WNK3: variants seen among roughly 807,000 people sequenced by gnomAD.
The protein encoded by WNK3 is serine/threonine-protein kinase WNK3.
In WNK3, 18 loss-of-function variants were observed where a neutral mutation model predicts 116.7. The ratio of observed to expected loss-of-function variants is 0.15; its 90% CI spans 0.11 to 0.23. The LOEUF is 0.23. Ranked by LOEUF, WNK3 falls within the 10% of genes least tolerant of loss-of-function variation. The pLI is 1.00. For missense variants in WNK3, 993 were observed against 1,323.8 expected, an observed-to-expected ratio of 0.75 and a Z score of 3.88; for synonymous variants, 404 against 469.4, an observed-to-expected ratio of 0.86 and a Z score of 1.80.
intron 22 of WNK3, among the ~76,000 whole-genome samples, chrX:54,227,042 A>C (rs2067852069): frequency 8.9e-6 from 1 of 111,792 alleles, no homozygotes; most frequent in Non-Finnish European, 1.9e-5. Flanking sequence ...TAAAACCATT[A>C]AAAACTTTTT....
At chrX:54,342,559 C>G (rs1212035702) in intron 1 of WNK3, among the ~76,000 whole-genome samples, 1 of 108,486 alleles carries the variant, frequency 9.2e-6, no homozygotes, top group Non-Finnish European at 1.9e-5. Flanking sequence ...AGAGTGAAAT[C>G]TGTCTCAAAA....
At position 54,301,864 on chromosome X, in the gene WNK3, G is replaced by A; in HGVS notation, c.1090-5C>T. On this transcript the variant is annotated splice_polypyrimidine_tract_variant and splice_region_variant and intron_variant, in intron 5 of 23. Transcript: ENST00000354646. The stretch of plus-strand genomic sequence containing the variant: ...GAAGCTGGCTGGTTTTATGCCCTAG[G>A]AGAAAAAAATGGTTTCTAGTAACAA... 3.3e-6 allele frequency: 4 copies of A among 1,194,514 alleles called. No homozygotes were observed. The highest frequency in any genetic ancestry group is 3.0e-5 in the East Asian group (1 of 33,687).
chrX:54,249,049 G>A lies in WNK3; in HGVS notation c.3299C>T (p.Pro1100Leu), dbSNP rs782437240. 5.5e-5 allele frequency: 66 copies of A among 1,210,347 alleles called. No individual in the cohort carries two copies. The South Asian group carries it at 1.1e-3, about 21-fold the overall frequency. The change falls in exon 17 of 24, where the codon CCT (proline) becomes CTT (leucine). Residue 1100 changes from proline (P) to leucine (L), a missense_variant. Pro to Leu is a moderately conservative substitution (Grantham distance 98). This residue lies in a region of WNK3 where 836 missense variants were observed against 976.5 expected (regional missense o/e 0.86). Coordinates refer to ENST00000354646, the Ensembl canonical transcript of WNK3. ...GTTGTCTGCAAACTCCAGTTTTGGA[G>A]GTCTTTCTCCATCTGATTCCAGGAC...
intron 20 of WNK3, among the ~76,000 whole-genome samples, chrX:54,234,437 A>G (rs2067938929): frequency 9.0e-6 from 1 of 111,729 alleles, no homozygotes; most frequent in South Asian, 3.7e-4. Context: ...CTCACATTCA[A>G]AATTAAGTAG....
intron 2 of WNK3, among the ~76,000 whole-genome samples, chrX:54,320,544 A>G (rs1187439632): frequency 8.9e-6 from 1 of 112,137 alleles, no homozygotes; most frequent in Non-Finnish European, 1.9e-5. Flanking sequence ...TTAGAGAGAC[A>G]GGGTCTCACT....
chrX:54,215,512 G>C (rs1417116132), intron 22 of WNK3, among the ~76,000 whole-genome samples: 1 of 112,529 alleles, frequency 8.9e-6, no homozygotes, highest in East Asian at 2.8e-4. Context: ...CCAGGCTGGA[G>C]TGCAGTGGCG....
At chrX:54,237,464 T>C (rs1557150510) in exon 20 of WNK3, 1 of 1,203,182 alleles carries the variant, frequency 8.3e-7, no homozygotes, top group Non-Finnish European at 1.1e-6. Flanking sequence ...GCTTCTTCAC[T>C]AGAATGGTTT....
chrX:54,314,625 C>T (rs1405212237), intron 2 of WNK3, among the ~76,000 whole-genome samples: 4 of 110,106 alleles, frequency 3.6e-5, no homozygotes, highest in African/African-American at 9.9e-5. Flanking sequence ...AAAAATTAGC[C>T]GGGCATAGTG....
intron 2 of WNK3, among the ~76,000 whole-genome samples, chrX:54,326,632 A>G (rs1557173515): frequency 9.0e-6 from 1 of 110,566 alleles, no homozygotes; most frequent in African/African-American, 3.3e-5. Context: ...CAGGAGTTTG[A>G]GACCAGCCCA....
upstream of WNK3, among the ~76,000 whole-genome samples, chrX:54,358,859 AG>A (rs1417910439): frequency 8.9e-6 from 1 of 112,171 alleles, no homozygotes; most frequent in African/African-American, 3.2e-5. Flanking sequence ...TCTGACCGGG[AG>A]GGGGATTTCC....
At chrX:54,249,340 G>A (rs370590119) in exon 17 of WNK3, 3 of 1,210,616 alleles carry the variant, frequency 2.5e-6, no homozygotes, top group African/African-American at 1.7e-5. Context: ...TGGATACACA[G>A]GTATGAATAT....
intron 21 of WNK3, among the ~76,000 whole-genome samples, chrX:54,232,113 G>GTGTGTA (rs1353154268): frequency 2.1e-5 from 2 of 95,109 alleles, no homozygotes; most frequent in African/African-American, 8.1e-5. Context: ...GTGTGTGTGT[G>GTGTGTA]TATATATATA....
At chrX:54,333,465 T>C (rs1268086714) in exon 2 of WNK3, 3 of 1,211,362 alleles carry the variant, frequency 2.5e-6, no homozygotes, top group African/African-American at 1.7e-5. Flanking sequence ...TTCGGCAACT[T>C]TGTCATCTTC....
chrX:54,249,243 C>T, exon 17 of WNK3: 1 of 1,211,629 alleles, frequency 8.3e-7, no homozygotes, highest in South Asian at 1.8e-5. Context: ...GATCAAATGC[C>T]AGAGTTGTAA....
chrX:54,282,000 G>GTT (rs113718932), intron 10 of WNK3, among the ~76,000 whole-genome samples: 1,177 of 96,858 alleles, frequency 0.012, 9 homozygotes, highest in African/African-American at 0.033. Context: ...TTGTATCATA[G>GTT]TTTTTTTTTT....
intron 11 of WNK3, 85 bp from the exon 12 acceptor site, chrX:54,255,972 A>G: frequency 1.2e-6 from 1 of 827,526 alleles, no homozygotes; most frequent in Non-Finnish European, 1.7e-6. Flanking sequence ...ACTATAAATA[A>G]TGAATTTAAG....
At chrX:54,308,981 C>A in intron 4 of WNK3, 114 bp downstream of exon 4, 2 of 570,438 alleles carry the variant, frequency 3.5e-6, no homozygotes, top group Non-Finnish European at 5.6e-6. Flanking sequence ...TTTACAAAAA[C>A]AGGCAGTGAG....
chrX:54,349,557 C>T (rs1277634507), intron 1 of WNK3, among the ~76,000 whole-genome samples: 5 of 111,623 alleles, frequency 4.5e-5, no homozygotes, highest in Non-Finnish European at 9.4e-5. Flanking sequence ...CACTATTATT[C>T]CAAAATCAAT....
intron 22 of WNK3, among the ~76,000 whole-genome samples, chrX:54,221,496 A>G (rs991769149): frequency 1.1e-4 from 12 of 111,765 alleles, no homozygotes; most frequent in African/African-American, 3.9e-4. Flanking sequence ...ACACACATAT[A>G]TTAGAGAAAT....
Sources: gnomAD v4.1 joint callset for allele counts (sites outside exome capture counted in the v4.1 genomes callset) on GRCh38, gnomAD v4.1.1 for gene constraint, gnomAD v4.1.1 regional missense constraint, MANE v1.5 for transcripts, NCBI Gene and HGNC (gene_info 2026-07-23, HGNC 2026-07-21) for gene names.